The following RSRC1 variants were observed in gnomAD, a reference collection of about 807,000 sequenced individuals.
RSRC1 encodes arginine and serine rich coiled-coil 1, also known as serine/Arginine-related protein 53.
A neutral mutation model predicts 49.1 loss-of-function variants in RSRC1; 39 were observed. The observed-to-expected ratio is 0.79, with a 90% CI of 0.61 to 1.04. RSRC1 has a LOEUF of 1.04. Ranked by LOEUF, RSRC1 falls within the 50% of genes least tolerant of loss-of-function variation. RSRC1 has a pLI of 0.00. For synonymous variants in RSRC1, 143 were observed against 130.8 expected (o/e 1.09, Z -0.63); for missense variants, 388 against 402.4 (o/e 0.96, Z 0.31).
At chr3:158,312,660 G>A (rs926454237) in intron 5 of RSRC1, among the ~76,000 whole-genome samples, 5 of 152,146 alleles carry the variant, frequency 3.3e-5, no homozygotes, top group Non-Finnish European at 7.4e-5. Flanking sequence ...ATTATCAGTG[G>A]CATTTCAAAA....
chr3:158,130,231 C>T (rs1318904175), intron 3 of RSRC1, among the ~76,000 whole-genome samples: 1 of 152,048 alleles, frequency 6.6e-6, no homozygotes, highest in Non-Finnish European at 1.5e-5. Context: ...CATGAGGGCT[C>T]CACTCTCATG....
chr3:158,522,181 T>C (rs1379768244), intron 7 of RSRC1, among the ~76,000 whole-genome samples: 1 of 152,160 alleles, frequency 6.6e-6, no homozygotes, highest in East Asian at 1.9e-4. Flanking sequence ...TCATATAATT[T>C]TCATAACATT....
intron 6 of RSRC1, among the ~76,000 whole-genome samples, chr3:158,445,079 T>C (rs1736621161): frequency 6.6e-6 from 1 of 152,178 alleles, no homozygotes; most frequent in South Asian, 2.1e-4. Context: ...GTTCAACCAT[T>C]GTGAAAGACA....
chr3:158,451,394 G>A (rs1015181680), intron 6 of RSRC1, among the ~76,000 whole-genome samples: 1 of 151,992 alleles, frequency 6.6e-6, no homozygotes, highest in Non-Finnish European at 1.5e-5. Context: ...ACAAACAGCA[G>A]CTATGTTAAT....
At chr3:158,265,934 C>G (rs927954128) in intron 4 of RSRC1, among the ~76,000 whole-genome samples, 1 of 152,164 alleles carries the variant, frequency 6.6e-6, no homozygotes, top group Non-Finnish European at 1.5e-5. Context: ...TCAGTGCCAC[C>G]TTTAAAACAC....
intron 6 of RSRC1, among the ~76,000 whole-genome samples, chr3:158,434,873 T>C (rs1329298266): frequency 6.6e-6 from 1 of 151,992 alleles, no homozygotes; most frequent in Non-Finnish European, 1.5e-5. Flanking sequence ...TTTTTAATTA[T>C]GCTCTTCCAG....
chr3:158,159,961 C>G (rs1718118605), intron 3 of RSRC1, among the ~76,000 whole-genome samples: 1 of 152,034 alleles, frequency 6.6e-6, no homozygotes, highest in Admixed American at 6.6e-5. Context: ...TCGCTTCAGT[C>G]CTATGAAGCT....
At chr3:158,414,431 T>C (rs560776761) in intron 6 of RSRC1, among the ~76,000 whole-genome samples, 2 of 151,900 alleles carry the variant, frequency 1.3e-5, no homozygotes, top group South Asian at 4.2e-4. Flanking sequence ...ATCAAGATAA[T>C]AACTAATGCA....
At chr3:158,350,454 T>C (rs1730811173) in intron 5 of RSRC1, among the ~76,000 whole-genome samples, 1 of 152,098 alleles carries the variant, frequency 6.6e-6, no homozygotes, top group African/African-American at 2.4e-5. Context: ...ATTACGGGCA[T>C]GAGCCACCAT....
At chr3:158,421,752 A>C (rs1480775749) in intron 6 of RSRC1, among the ~76,000 whole-genome samples, 1 of 151,910 alleles carries the variant, frequency 6.6e-6, no homozygotes, top group Non-Finnish European at 1.5e-5. Context: ...CAATAGGATG[A>C]AAAATGCTTA....
chr3:158,481,420 T>C (rs1461782268), intron 7 of RSRC1, among the ~76,000 whole-genome samples: 1 of 152,008 alleles, frequency 6.6e-6, no homozygotes, highest in African/African-American at 2.4e-5. Context: ...AATTGGGAAA[T>C]TGAGTCACAA....
intron 3 of RSRC1, among the ~76,000 whole-genome samples, chr3:158,181,096 C>G (rs1719598880): frequency 1.3e-5 from 2 of 152,170 alleles, no homozygotes; most frequent in African/African-American, 4.8e-5. Flanking sequence ...GAGCCACCGC[C>G]CCTGGCCCTA....
rs77859516 is a variant in RSRC1, at chr3:158,179,829, C to G, written c.321-23243C>G. Among the ~76,000 whole-genome samples, 33 of 152,194 alleles carry G rather than the reference C, an allele frequency of 2.2e-4. 1 individual carries two copies. The East Asian group carries it at 3.1e-3, about 14-fold the overall frequency. ...AGTGCCAAACTATTTTCCAGATTTG[C>G]TGTATTGTTTTAAATTCCCAGTAGC... is the stretch of plus-strand genomic sequence containing the variant. On this transcript the variant is annotated intron_variant, in intron 3 of 9. Coordinates refer to ENST00000611884, the MANE Select transcript of RSRC1 (RefSeq NM_001271838.2).
At chr3:158,449,134 T>C (rs1422158007) in intron 6 of RSRC1, among the ~76,000 whole-genome samples, 1 of 151,924 alleles carries the variant, frequency 6.6e-6, no homozygotes, top group Non-Finnish European at 1.5e-5. Context: ...ATAATCGATC[T>C]TTTGAGTAAT....
intron 7 of RSRC1, among the ~76,000 whole-genome samples, chr3:158,522,587 C>A (rs2108491164): frequency 1.3e-5 from 2 of 152,238 alleles, no homozygotes; most frequent in African/African-American, 4.8e-5. Context: ...AAAGTAGCGT[C>A]AAAATGACGA....
chr3:158,366,705 T>C (rs1444059413), intron 6 of RSRC1, among the ~76,000 whole-genome samples: 1 of 152,194 alleles, frequency 6.6e-6, no homozygotes, highest in Non-Finnish European at 1.5e-5. Flanking sequence ...AGTAGCTTGA[T>C]GGGGATAGCA....
At chr3:158,130,233 A>G (rs952790123) in intron 3 of RSRC1, among the ~76,000 whole-genome samples, 8 of 151,940 alleles carry the variant, frequency 5.3e-5, no homozygotes, top group African/African-American at 1.9e-4. Context: ...TGAGGGCTCC[A>G]CTCTCATGAC....
chr3:158,127,331 T>G (rs1715691970), intron 3 of RSRC1, among the ~76,000 whole-genome samples: 1 of 152,092 alleles, frequency 6.6e-6, no homozygotes, highest in South Asian at 2.1e-4. Context: ...TAATGATGTC[T>G]TATAGTCCCT....
chr3:158,359,450 G>C (rs981927139), intron 6 of RSRC1, among the ~76,000 whole-genome samples: 1 of 152,146 alleles, frequency 6.6e-6, no homozygotes, highest in South Asian at 2.1e-4. Context: ...TGGTGTTATC[G>C]GATCTTTGGG....
Sources: allele counts gnomAD v4.1 joint callset (sites outside exome capture counted in the v4.1 genomes callset), GRCh38; gene constraint gnomAD v4.1.1; transcripts MANE v1.5; gene names NCBI Gene and HGNC (gene_info 2026-07-23, HGNC 2026-07-21).